Variants in PRRC2B observed in about 807,000 individuals in gnomAD.
PRRC2B encodes the protein protein PRRC2B.
A neutral mutation model predicts 242.3 loss-of-function variants in PRRC2B; 68 were observed. The ratio of observed to expected loss-of-function variants is 0.28; its 90% CI spans 0.23 to 0.34. The LOEUF (loss-of-function observed/expected upper bound fraction) is 0.34, where lower values mean the gene tolerates loss of function less well. PRRC2B is among the 10% of genes least tolerant of loss of function. The probability of loss-of-function intolerance (pLI) is 1.00; values close to 1 mark genes in which losing one functional copy is unlikely to be tolerated. For missense variants in PRRC2B, 2,835 were observed against 2,954.8 expected, an observed-to-expected ratio of 0.96 and a Z score of 0.94; for synonymous variants, 1,228 against 1,173.6, an observed-to-expected ratio of 1.05 and a Z score of -0.95.
At chr9:131,461,667 G>A (rs556439060) in intron 11 of PRRC2B, among the ~76,000 whole-genome samples, 10 of 152,250 alleles carry the variant, frequency 6.6e-5, no homozygotes, top group South Asian at 4.1e-4. Context: ...TCAGCCTCCC[G>A]AGTAGCGGGA....
chr9:131,474,287 G>GT (rs1362874390), intron 15 of PRRC2B, among the ~76,000 whole-genome samples, 167 bp from the exon 16 acceptor site: 12 of 151,342 alleles, frequency 7.9e-5, no homozygotes, highest in East Asian at 3.9e-4. Flanking sequence ...TGATGCTTAT[G>GT]TTTTTTTTTG....
At chr9:131,486,708 C>T (rs1265503655) in intron 26 of PRRC2B, among the ~76,000 whole-genome samples, 1 of 152,238 alleles carries the variant, frequency 6.6e-6, no homozygotes, top group Non-Finnish European at 1.5e-5. Flanking sequence ...CGACAGTGGA[C>T]TTCCAGGCAG....
rs775400490 is a variant in PRRC2B at position 131,487,327 on chromosome 9, G to T, written c.5984+33G>T. 19 of 1,556,704 alleles carry T rather than the reference G, an allele frequency of 1.2e-5. No individual in the cohort carries two copies. In the Middle Eastern group the frequency reaches 1.5e-3, roughly 126 times the overall value. ...CATGTACCAGCTTGCGGAGCTGGCA[G>T]CTCACAGCCAGGGCCTTGGCCCTGT... On this transcript the variant is annotated intron_variant, in intron 27 of 31. Coordinates refer to ENST00000683519, the MANE Select transcript of PRRC2B (RefSeq NM_013318.4). This position sits in a 1 kb window ranked among gnomAD's most constrained non-coding sequence, Gnocchi z 5.3.
chr9:131,382,471 G>A (rs1188899379), intron 1 of PRRC2B, among the ~76,000 whole-genome samples: 1 of 152,080 alleles, frequency 6.6e-6, no homozygotes, highest in Admixed American at 6.6e-5. Flanking sequence ...GGAGTCCCAG[G>A]GAACCCCTGT....
intron 28 of PRRC2B, among the ~76,000 whole-genome samples, chr9:131,489,604 C>T (rs1354560470): frequency 1.3e-5 from 2 of 152,170 alleles, no homozygotes. Flanking sequence ...AACCCCCACC[C>T]TCCTAGCAGC....
At chr9:131,477,075 C>G (rs567065273) in intron 16 of PRRC2B, among the ~76,000 whole-genome samples, 1 of 152,206 alleles carries the variant, frequency 6.6e-6, no homozygotes, top group African/African-American at 2.4e-5. Flanking sequence ...CATGGTCTGG[C>G]GAGCACCTCT....
At chr9:131,411,356 T>G (rs1837502727) in intron 1 of PRRC2B, among the ~76,000 whole-genome samples, 2 of 150,204 alleles carry the variant, frequency 1.3e-5, no homozygotes, top group Admixed American at 1.3e-4. Flanking sequence ...TTGTTTTGTT[T>G]TTTTTTTTGA....
At chr9:131,395,102 A>G (rs1837009688) in intron 1 of PRRC2B, among the ~76,000 whole-genome samples, 1 of 151,276 alleles carries the variant, frequency 6.6e-6, no homozygotes, top group Non-Finnish European at 1.5e-5. Context: ...CCTTCTAAAT[A>G]TCGTGGGAGG....
intron 1 of PRRC2B, among the ~76,000 whole-genome samples, chr9:131,422,354 G>A (rs1400283890): frequency 2.0e-5 from 3 of 152,126 alleles, no homozygotes; most frequent in Admixed American, 6.5e-5. Context: ...GCATCCTGCC[G>A]GGTGTGTTAC....
chr9:131,437,559 C>G (rs1224593705), intron 4 of PRRC2B, among the ~76,000 whole-genome samples: 1 of 152,236 alleles, frequency 6.6e-6, no homozygotes, highest in Admixed American at 6.5e-5. Flanking sequence ...GCTCTCTTGA[C>G]AGCGGGAATG....
chr9:131,449,259 T>C (rs903778539), intron 9 of PRRC2B, among the ~76,000 whole-genome samples: 9 of 152,330 alleles, frequency 5.9e-5, no homozygotes, highest in South Asian at 2.1e-4. Flanking sequence ...ATTAAGTGTT[T>C]AAGACCTGTC....
intron 1 of PRRC2B, chr9:131,373,742 G>C (rs941246959): frequency 7.2e-5 from 11 of 152,234 alleles, no homozygotes; most frequent in African/African-American, 2.7e-4. Flanking sequence ...GTGAGCCGTC[G>C]TTTCTTTGCG....
intron 1 of PRRC2B, among the ~76,000 whole-genome samples, chr9:131,397,092 GCTTC>G (rs1837081727): frequency 6.6e-6 from 1 of 152,120 alleles, no homozygotes; most frequent in African/African-American, 2.4e-5. Context: ...ATTTTTCCTC[GCTTC>G]CTGCCTCTTG....
At chr9:131,427,114 G>A (rs371121637) in intron 1 of PRRC2B, among the ~76,000 whole-genome samples, 1 of 152,198 alleles carries the variant, frequency 6.6e-6, no homozygotes, top group Admixed American at 6.5e-5. Flanking sequence ...TTCTTCATGA[G>A]CATTTCTTGA....
chr9:131,389,926 T>C (rs910550216), upstream of PRRC2B, among the ~76,000 whole-genome samples: 1 of 122,734 alleles, frequency 8.1e-6, no homozygotes, highest in Non-Finnish European at 1.7e-5. Context: ...TTTTTTTTTT[T>C]GTTTTTTTTT....
chr9:131,374,669 G>A (rs534959596), intron 1 of PRRC2B, among the ~76,000 whole-genome samples: 4 of 152,140 alleles, frequency 2.6e-5, no homozygotes, highest in African/African-American at 9.6e-5. Flanking sequence ...TGGGATTATA[G>A]GCATGCACCA....
chr9:131,486,466 T>G (rs1414087660), intron 26 of PRRC2B: 7 of 985,160 alleles, frequency 7.1e-6, no homozygotes, highest in Non-Finnish European at 7.2e-6. Context: ...AAATGGAATT[T>G]TCTTTGGTGA....
Position 131,491,407 on chromosome 9 carries a change from GT to G in PRRC2B, c.6226-17del. ...CATAGCATCATTCCCCCTCCTGACT[GT>G]CATTGTCGCCCAGCAGCTGACCATG... On this transcript the variant is annotated splice_polypyrimidine_tract_variant and intron_variant, in intron 28 of 31. Transcript: ENST00000683519. 1 of 1,578,148 alleles carries G rather than the reference GT, an allele frequency of 6.3e-7. No homozygotes were observed. The highest frequency in any genetic ancestry group is 8.6e-7 in the Non-Finnish European group (1 of 1,162,032).
At chr9:131,383,472 G>A (rs1450875022) in intron 1 of PRRC2B, among the ~76,000 whole-genome samples, 1 of 152,096 alleles carries the variant, frequency 6.6e-6, no homozygotes, top group Non-Finnish European at 1.5e-5. Context: ...ACTAGACCAC[G>A]TTAAGAGCCA....
Sources: allele counts gnomAD v4.1 joint callset (sites outside exome capture counted in the v4.1 genomes callset), GRCh38; gene constraint gnomAD v4.1.1; non-coding constraint Gnocchi (gnomAD v3.1); transcripts MANE v1.5; gene names NCBI Gene and HGNC (gene_info 2026-07-23, HGNC 2026-07-21).